Variants in TCF4 observed in about 807,000 individuals in gnomAD.
The protein encoded by TCF4 is transcription factor 4.
In TCF4, 3 loss-of-function variants were observed where a neutral mutation model predicts 82.1. That is an observed-to-expected ratio of 0.04 (90% confidence interval 0.02 to 0.09). TCF4 has a LOEUF of 0.09. Ranked by LOEUF, TCF4 falls within the 10% of genes least tolerant of loss-of-function variation. TCF4 has a pLI of 1.00. For synonymous variants in TCF4, 276 were observed against 309.6 expected (o/e 0.89, Z 1.14); for missense variants, 518 against 852.7 (o/e 0.61, Z 4.89).
intron 3 of TCF4, among the ~76,000 whole-genome samples, chr18:55,577,737 T>G (rs901570708): frequency 6.6e-6 from 1 of 152,086 alleles, no homozygotes; most frequent in African/African-American, 2.4e-5. Context: ...AAAAGAATGT[T>G]TAAATGAATG....
intron 15 of TCF4, among the ~76,000 whole-genome samples, chr18:55,243,311 C>T (rs1172100602): frequency 6.6e-6 from 1 of 152,050 alleles, no homozygotes; most frequent in African/African-American, 2.4e-5. Context: ...TTTGTAAAGC[C>T]CTTTGTAAAG....
intron 3 of TCF4, among the ~76,000 whole-genome samples, chr18:55,570,773 G>A (rs141683717): frequency 1.6e-4 from 25 of 151,758 alleles, no homozygotes; most frequent in Middle Eastern, 3.4e-3. Context: ...CCTGCTACCC[G>A]GGAGGCTGAG....
intron 2 of TCF4, among the ~76,000 whole-genome samples, chr18:55,613,096 G>A (rs760848618): frequency 5.9e-5 from 9 of 152,042 alleles, no homozygotes; most frequent in African/African-American, 1.9e-4. Flanking sequence ...CTCTGTTGAG[G>A]TGTATAAGTG....
chr18:55,392,462 CAAAAAAAAAA>C (rs772409228), intron 6 of TCF4, among the ~76,000 whole-genome samples: 2 of 95,526 alleles, frequency 2.1e-5, no homozygotes, highest in Non-Finnish European at 4.3e-5. Flanking sequence ...AACAACCCCA[CAAAAAAAAAA>C]AAAAAAAAAG....
chr18:55,298,458 C>T (rs1047685370), intron 8 of TCF4, among the ~76,000 whole-genome samples: 47 of 152,264 alleles, frequency 3.1e-4, no homozygotes, highest in African/African-American at 1.1e-3. Flanking sequence ...CCATATACTA[C>T]GGTTTTTTTG....
At chr18:55,351,196 T>C in intron 6 of TCF4, 193 bp from the exon 7 acceptor site, 1 of 633,654 alleles carries the variant, frequency 1.6e-6, no homozygotes, top group Non-Finnish European at 2.6e-6. Context: ...AATTTTTAAT[T>C]CTTTACTTTT....
chr18:55,561,783 A>T (rs1349555200), intron 3 of TCF4, among the ~76,000 whole-genome samples: 1 of 152,210 alleles, frequency 6.6e-6, no homozygotes, highest in Non-Finnish European at 1.5e-5. Flanking sequence ...AAAATCCCTC[A>T]TACAAGAAAA....
At chr18:55,530,974 C>T (rs1335907919) in intron 3 of TCF4, among the ~76,000 whole-genome samples, 2 of 151,262 alleles carry the variant, frequency 1.3e-5, no homozygotes, top group Admixed American at 6.6e-5. Flanking sequence ...TTAATTGAGA[C>T]GGAGTCTTGT....
At chr18:55,277,118 G>T (rs760252409) in intron 9 of TCF4, among the ~76,000 whole-genome samples, 12 of 152,142 alleles carry the variant, frequency 7.9e-5, no homozygotes, top group Non-Finnish European at 1.5e-4. Flanking sequence ...TTCAAGTCTT[G>T]AATTCTCAGG....
intron 8 of TCF4, among the ~76,000 whole-genome samples, chr18:55,296,788 GCTC>G (rs1245002506): frequency 1.3e-5 from 2 of 152,132 alleles, no homozygotes; most frequent in Non-Finnish European, 2.9e-5. Context: ...TTATTTTTGA[GCTC>G]CTAATTGAAA....
intron 6 of TCF4, among the ~76,000 whole-genome samples, chr18:55,369,828 A>G (rs925779320): frequency 2.6e-5 from 4 of 152,266 alleles, no homozygotes; most frequent in African/African-American, 7.2e-5. Context: ...TTCTTTAGCT[A>G]CTGCTGAAAT....
At chr18:55,609,924 C>CG (rs1458228743) in intron 2 of TCF4, among the ~76,000 whole-genome samples, 1 of 151,946 alleles carries the variant, frequency 6.6e-6, no homozygotes, top group Non-Finnish European at 1.5e-5. Context: ...TGTTTGTTTT[C>CG]TTTTTCTCAA....
chr18:55,357,875 A>G (rs1286638983), intron 6 of TCF4, among the ~76,000 whole-genome samples: 1 of 152,170 alleles, frequency 6.6e-6, no homozygotes, highest in East Asian at 1.9e-4. Context: ...AACAATCTGA[A>G]CCTGTAAATA....
intron 17 of TCF4, chr18:55,229,769 T>G (rs1160805044): frequency 1.3e-5 from 2 of 152,496 alleles, no homozygotes; most frequent in Non-Finnish European, 2.9e-5. Context: ...ACTTCCATGG[T>G]CTTTAATCTT....
intron 3 of TCF4, among the ~76,000 whole-genome samples, chr18:55,532,159 C>T (rs1200738034): frequency 1.3e-5 from 2 of 152,158 alleles, no homozygotes; most frequent in African/African-American, 4.8e-5. Flanking sequence ...ATCTTAGGCC[C>T]ACAGTGTTAT....
intron 15 of TCF4, among the ~76,000 whole-genome samples, chr18:55,251,625 A>C (rs2145381772): frequency 6.6e-6 from 1 of 152,298 alleles, no homozygotes; most frequent in South Asian, 2.1e-4. Flanking sequence ...TCTACTCTTT[A>C]ATCAGAAGGA....
chr18:55,289,475 T>TAA (rs1322881909), intron 8 of TCF4, among the ~76,000 whole-genome samples: 1 of 152,238 alleles, frequency 6.6e-6, no homozygotes, highest in Admixed American at 6.5e-5. Context: ...CAGATGTAAC[T>TAA]AAATTATTTC....
intron 5 of TCF4, among the ~76,000 whole-genome samples, chr18:55,439,880 G>T (rs981714806): frequency 6.6e-6 from 1 of 152,088 alleles, no homozygotes; most frequent in Non-Finnish European, 1.5e-5. Flanking sequence ...GTGCCACCAC[G>T]CCTGGCTAAT....
chr18:55,417,524 G>T (rs1292575868), intron 5 of TCF4, among the ~76,000 whole-genome samples: 1 of 152,170 alleles, frequency 6.6e-6, no homozygotes, highest in Admixed American at 6.5e-5. Context: ...CGTTTCTTCT[G>T]TGGTTTACTT....
Sources: gnomAD v4.1 joint callset for allele counts (sites outside exome capture counted in the v4.1 genomes callset) on GRCh38, gnomAD v4.1.1 for gene constraint, MANE v1.5 for transcripts, NCBI Gene and HGNC (gene_info 2026-07-23, HGNC 2026-07-21) for gene names.